SHISA9: variants seen among roughly 807,000 people sequenced by gnomAD.
The protein encoded by SHISA9 is shisa family member 9, also known as protein shisa-9.
A neutral mutation model predicts 38.0 loss-of-function variants in SHISA9; 13 were observed. That is an observed-to-expected ratio of 0.34 (90% confidence interval 0.22 to 0.54). The LOEUF (loss-of-function observed/expected upper bound fraction) is 0.54, where lower values mean the gene tolerates loss of function less well. Ranked by LOEUF, SHISA9 falls within the 20% of genes least tolerant of loss-of-function variation. The pLI is 0.91. For missense variants in SHISA9, 538 were observed against 575.8 expected (o/e 0.93, Z 0.67); for synonymous variants, 275 against 242.0 (o/e 1.14, Z -1.27).
intron 2 of SHISA9, among the ~76,000 whole-genome samples, chr16:13,171,500 G>A (rs931956270): frequency 2.1e-5 from 3 of 145,832 alleles, no homozygotes; most frequent in Non-Finnish European, 4.6e-5. Context: ...GGGTGGGGGC[G>A]GGAGTCAAGG....
rs1567184172 is a variant in SHISA9 at position 13,019,928 on chromosome 16, TTTC to T, written c.691+103116_691+103118del. On this transcript the variant is annotated intron_variant, in intron 2 of 4. Transcript: ENST00000558583. ...CTTTCTTTCTTTCTTTCTTTCTTTCTTTCTTTCTTTCTTTCTTTCTTTCTTTCT... is the reference window on the plus strand; with the variant it reads ...CTTTCTTTCTTTCTTTCTTTCTTTCTTTTCTTTCTTTCTTTCTTTCTTTCT... 4.1e-4 allele frequency among the ~76,000 whole-genome samples: 37 copies of T among 89,300 alleles called. 3 individuals are homozygous for T. Among genetic ancestry groups the T allele is most frequent in the East Asian group, 1.0e-3 (4 of 3,828 alleles). The allele number at this position is 89,300 out of a possible 152,430, so 58.6% of individuals were successfully genotyped here. A position where few individuals can be genotyped will look rare whatever the true frequency, so the allele number is the denominator to read the frequency against.
intron 2 of SHISA9, among the ~76,000 whole-genome samples, chr16:12,932,015 T>C (rs2071468163): frequency 6.6e-6 from 1 of 152,160 alleles, no homozygotes; most frequent in Non-Finnish European, 1.5e-5. Flanking sequence ...ATAAGTCTCA[T>C]GAGACCTGAT....
At chr16:13,047,928 T>C (rs1049180838) in intron 2 of SHISA9, among the ~76,000 whole-genome samples, 5 of 152,272 alleles carry the variant, frequency 3.3e-5, no homozygotes, top group Middle Eastern at 6.8e-3. Flanking sequence ...TAGAGGGACA[T>C]TGAAACAAGC....
intron 2 of SHISA9, among the ~76,000 whole-genome samples, chr16:12,990,604 G>C (rs2072371756): frequency 1.3e-5 from 2 of 152,170 alleles, no homozygotes; most frequent in Non-Finnish European, 2.9e-5. Context: ...TGCAGGTTTT[G>C]CCTCCTGGGG....
chr16:13,363,268 G>T, the SHISA9 span, among the ~76,000 whole-genome samples: 3 of 152,196 alleles, frequency 2.0e-5, no homozygotes, highest in African/African-American at 7.2e-5. Context: ...TTCATTTCAT[G>T]TCTTCCCCTC....
At chr16:13,071,554 CT>C (rs1483347373) in intron 2 of SHISA9, among the ~76,000 whole-genome samples, 1 of 123,074 alleles carries the variant, frequency 8.1e-6, no homozygotes. Flanking sequence ...CCTCCATTCC[CT>C]TTTTCCTTCC....
chr16:13,401,709 C>G, the SHISA9 span, among the ~76,000 whole-genome samples: 1 of 152,186 alleles, frequency 6.6e-6, no homozygotes, highest in Non-Finnish European at 1.5e-5. Context: ...TGTCTGGCAT[C>G]TGGATCTTGG....
chr16:13,520,174 C>T, the SHISA9 span, among the ~76,000 whole-genome samples: 5 of 152,142 alleles, frequency 3.3e-5, no homozygotes, highest in South Asian at 8.3e-4. Context: ...TGGTATGAGG[C>T]AACCCACATC....
At chr16:12,974,222 T>C (rs1281748842) in intron 2 of SHISA9, among the ~76,000 whole-genome samples, 1 of 152,128 alleles carries the variant, frequency 6.6e-6, no homozygotes, top group East Asian at 1.9e-4. Context: ...AAAGCGTATA[T>C]CTGGACAAGC....
chr16:13,326,063 C>T, the SHISA9 span, among the ~76,000 whole-genome samples: 4 of 124,248 alleles, frequency 3.2e-5, no homozygotes, highest in Non-Finnish European at 6.8e-5. Context: ...AACTTAAAGT[C>T]AAATTAAAAA....
At chr16:13,388,197 A>T in the SHISA9 span, among the ~76,000 whole-genome samples, 1 of 152,154 alleles carries the variant, frequency 6.6e-6, no homozygotes, top group South Asian at 2.1e-4. Flanking sequence ...GGAAGGATCA[A>T]TCCCAAGAGT....
chr16:12,919,130 A>G (rs1165803407), intron 2 of SHISA9, among the ~76,000 whole-genome samples: 2 of 152,172 alleles, frequency 1.3e-5, no homozygotes, highest in Admixed American at 6.5e-5. Flanking sequence ...GATATTAATC[A>G]GTTAAGGGTT....
chr16:13,434,422 T>TG, the SHISA9 span, among the ~76,000 whole-genome samples: 1 of 125,266 alleles, frequency 8.0e-6, no homozygotes, highest in Non-Finnish European at 1.7e-5. Flanking sequence ...AAGCTATGTT[T>TG]TTTTTTTTTT....
At chr16:13,328,742 G>A in the SHISA9 span, among the ~76,000 whole-genome samples, 1 of 151,988 alleles carries the variant, frequency 6.6e-6, no homozygotes, top group Non-Finnish European at 1.5e-5. Flanking sequence ...CAAAGTGCTG[G>A]GATTACAGGT....
the SHISA9 span, among the ~76,000 whole-genome samples, chr16:13,434,534 C>G: frequency 4.6e-5 from 7 of 151,352 alleles, no homozygotes; most frequent in Non-Finnish European, 8.8e-5. Flanking sequence ...TCTCCTGCCT[C>G]AGCCTCCCGA....
At chr16:13,556,519 C>T in the SHISA9 span, among the ~76,000 whole-genome samples, 3 of 151,938 alleles carry the variant, frequency 2.0e-5, no homozygotes, top group Non-Finnish European at 4.4e-5. Context: ...AAAAATTAGC[C>T]GGGCAAGGTG....
chr16:13,339,491 G>T, the SHISA9 span, among the ~76,000 whole-genome samples: 3 of 152,172 alleles, frequency 2.0e-5, no homozygotes, highest in East Asian at 5.8e-4. Flanking sequence ...TCAATAAAAT[G>T]GGAGCAACAG....
the SHISA9 span, among the ~76,000 whole-genome samples, chr16:13,357,826 G>GCAGGAGTGGGGGTCGCAA: frequency 6.6e-6 from 1 of 151,350 alleles, no homozygotes; most frequent in African/African-American, 2.4e-5. Context: ...TGCTCAGTGG[G>GCAGGAGTGGGGGTCGCAA]GGTGCTTTTT....
intron 2 of SHISA9, among the ~76,000 whole-genome samples, chr16:13,045,945 A>T (rs2073183616): frequency 6.6e-6 from 1 of 152,234 alleles, no homozygotes; most frequent in Admixed American, 6.5e-5. Flanking sequence ...TGGATTTATT[A>T]TATGTCAATG....
Sources: gnomAD v4.1 joint callset for allele counts (sites outside exome capture counted in the v4.1 genomes callset) on GRCh38, gnomAD v4.1.1 for gene constraint, MANE v1.5 for transcripts, NCBI Gene and HGNC (gene_info 2026-07-23, HGNC 2026-07-21) for gene names.